WIPF3: variants seen among roughly 807,000 people sequenced by gnomAD.
WIPF3 encodes the protein WAS/WASL-interacting protein family member 3.
Under a neutral mutation model 38.9 loss-of-function variants are expected in WIPF3, and 33 were observed. The observed-to-expected ratio is 0.85, with a 90% CI of 0.64 to 1.14. WIPF3 has a LOEUF of 1.14. Ranked by LOEUF, WIPF3 falls within the 50% of genes most tolerant of loss-of-function variation. The probability of loss-of-function intolerance (pLI) is 0.00; values close to 1 mark genes in which losing one functional copy is unlikely to be tolerated. For synonymous variants in WIPF3, 324 were observed against 269.3 expected (o/e 1.20, Z -1.99); for missense variants, 711 against 652.5 (o/e 1.09, Z -0.98).
At chr7:29,857,022 A>T (rs1221769813) in intron 2 of WIPF3, among the ~76,000 whole-genome samples, 2 of 152,168 alleles carry the variant, frequency 1.3e-5, no homozygotes, top group African/African-American at 2.4e-5. Context: ...AGATAATATG[A>T]AGTAATATAT....
intron 1 of WIPF3, among the ~76,000 whole-genome samples, chr7:29,808,543 C>T (rs529484305): frequency 2.0e-5 from 3 of 152,344 alleles, no homozygotes; most frequent in African/African-American, 7.2e-5. Context: ...TGAATCGGGG[C>T]AGAGCGGTCA....
intron 1 of WIPF3, 49 bp from the exon 2 acceptor site, chr7:29,834,619 T>C: frequency 8.7e-6 from 12 of 1,377,490 alleles, no homozygotes; most frequent in Non-Finnish European, 1.1e-5. Flanking sequence ...ATTTCCTGCA[T>C]GTAAGTAAAG....
chr7:29,893,788 G>T (rs1163927899), intron 7 of WIPF3, among the ~76,000 whole-genome samples: 1 of 152,114 alleles, frequency 6.6e-6, no homozygotes, highest in Non-Finnish European at 1.5e-5. Context: ...CTGAGGCAGG[G>T]TTTGCTGACT....
chr7:29,891,368 C>G (rs1786018354), intron 7 of WIPF3, among the ~76,000 whole-genome samples: 1 of 151,394 alleles, frequency 6.6e-6, no homozygotes, highest in Non-Finnish European at 1.5e-5. Context: ...GAGGGGAACA[C>G]AGGCCTGCCT....
intron 2 of WIPF3, among the ~76,000 whole-genome samples, chr7:29,835,519 T>A (rs1784786325): frequency 6.6e-6 from 1 of 152,152 alleles, no homozygotes; most frequent in Non-Finnish European, 1.5e-5. Flanking sequence ...ACCCACTAGA[T>A]GCCAGTAGCA....
intron 1 of WIPF3, among the ~76,000 whole-genome samples, chr7:29,819,908 C>A (rs1011152334): frequency 2.6e-5 from 4 of 152,018 alleles, no homozygotes; most frequent in Admixed American, 1.3e-4. Flanking sequence ...TTGAGATTTT[C>A]TTTGCACTAT....
intron 2 of WIPF3, among the ~76,000 whole-genome samples, chr7:29,857,155 G>T (rs1257997763): frequency 6.6e-6 from 1 of 152,068 alleles, no homozygotes; most frequent in East Asian, 1.9e-4. Flanking sequence ...AGACAGTGCT[G>T]GGGCCCTCAC....
chr7:29,888,293 G>C, intron 6 of WIPF3, 76 bp downstream of exon 6: 5 of 1,515,852 alleles, frequency 3.3e-6, no homozygotes, highest in Non-Finnish European at 4.4e-6. Context: ...GAGAGAGTTT[G>C]CTGGCCACAG....
intron 2 of WIPF3, among the ~76,000 whole-genome samples, chr7:29,867,258 C>T (rs1284833583): frequency 2.6e-5 from 4 of 152,122 alleles, no homozygotes; most frequent in Admixed American, 6.5e-5. Context: ...CTGGTTATTT[C>T]AAATGAGAAA....
At chr7:29,831,185 G>A (rs550309393) in intron 1 of WIPF3, among the ~76,000 whole-genome samples, 4 of 152,324 alleles carry the variant, frequency 2.6e-5, no homozygotes, top group East Asian at 1.9e-4. Flanking sequence ...CCCAAGCAAA[G>A]TGCTGAAGCG....
intron 8 of WIPF3, among the ~76,000 whole-genome samples, chr7:29,908,470 A>G (rs1477244046): frequency 1.3e-5 from 2 of 152,212 alleles, no homozygotes; most frequent in Non-Finnish European, 2.9e-5. Context: ...AGAAATAGAG[A>G]ACACAAAAAA....
At chr7:29,807,066 C>T (rs2128060186) in intron 1 of WIPF3, among the ~76,000 whole-genome samples, 1 of 152,256 alleles carries the variant, frequency 6.6e-6, no homozygotes, top group East Asian at 1.9e-4. Flanking sequence ...TCTCTCTTCT[C>T]CGCTTCGCCC....
chr7:29,897,349 G>A (rs76667417), intron 7 of WIPF3, among the ~76,000 whole-genome samples: 1,655 of 152,254 alleles, frequency 0.011, 35 homozygotes, highest in East Asian at 0.057. Context: ...TTGCTGGATC[G>A]TATGGTAATT....
chr7:29,884,387 C>CCCTT lies in WIPF3; in HGVS notation c.893_894insCCTT (p.Tyr299LeufsTer20). On this transcript the variant is annotated frameshift_variant, in exon 5 of 9. Coordinates refer to ENST00000242140, the MANE Select transcript of WIPF3 (RefSeq NM_001080529.3). LOFTEE classifies it high-confidence loss of function. ...CCCGCCCCGCCGCCCCCGCTCCCCC[C>CCCTT]TTATGCTTCTTGCTCCCCGAGGGCT... 4.0e-6 allele frequency: 6 copies of CCCTT among 1,502,230 alleles called. No individual in the cohort carries two copies. Among genetic ancestry groups the CCCTT allele is most frequent in the South Asian group, 3.9e-5 (3 of 77,440 alleles). 93.1% of individuals were successfully genotyped at this position (1,502,230 alleles called of 1,614,324 possible). A position where few individuals can be genotyped will look rare whatever the true frequency, so the allele number is the denominator to read the frequency against.
intron 2 of WIPF3, among the ~76,000 whole-genome samples, chr7:29,841,537 A>C (rs966719334): frequency 4.6e-5 from 7 of 152,162 alleles, no homozygotes; most frequent in Admixed American, 1.3e-4. Flanking sequence ...GTTGTCTGGC[A>C]CAGTGGCTCA....
intron 7 of WIPF3, among the ~76,000 whole-genome samples, chr7:29,898,838 ATTTTG>A (rs1229627838): frequency 6.6e-6 from 1 of 152,022 alleles, no homozygotes; most frequent in East Asian, 1.9e-4. Context: ...TTTAGGTTTT[ATTTTG>A]TGTACTTTTT....
At chr7:29,847,510 A>G (rs1004339406) in intron 2 of WIPF3, among the ~76,000 whole-genome samples, 1 of 152,220 alleles carries the variant, frequency 6.6e-6, no homozygotes, top group Non-Finnish European at 1.5e-5. Context: ...ATGTAGCGGA[A>G]ATTATCTATT....
chr7:29,842,754 T>TA (rs757248971), intron 2 of WIPF3, among the ~76,000 whole-genome samples: 4 of 151,368 alleles, frequency 2.6e-5, no homozygotes, highest in African/African-American at 4.9e-5. Context: ...TTGCTGTTGT[T>TA]AAAAAAAAAT....
intron 1 of WIPF3, among the ~76,000 whole-genome samples, chr7:29,807,869 A>G (rs1784308256): frequency 6.6e-6 from 1 of 152,186 alleles, no homozygotes; most frequent in Non-Finnish European, 1.5e-5. Flanking sequence ...CCTCCTTTCC[A>G]GAATCTTTTC....
Sources: gnomAD v4.1 joint callset for allele counts (sites outside exome capture counted in the v4.1 genomes callset) on GRCh38, gnomAD v4.1.1 for gene constraint, MANE v1.5 for transcripts, NCBI Gene and HGNC (gene_info 2026-07-23, HGNC 2026-07-21) for gene names.